The following MEIS2 variants were observed in gnomAD, a reference collection of about 807,000 sequenced individuals.
MEIS2 encodes Meis homeobox 2, also known as homeobox protein Meis2.
MEIS2 carries 9 observed loss-of-function variants against 58.6 expected under a neutral mutation model. That is an observed-to-expected ratio of 0.15 (90% CI 0.09 to 0.27). The LOEUF (loss-of-function observed/expected upper bound fraction) is 0.27, where lower values mean the gene tolerates loss of function less well. Ranked by LOEUF, MEIS2 falls within the 10% of genes least tolerant of loss-of-function variation. The probability of loss-of-function intolerance (pLI) is 1.00; values close to 1 mark genes in which losing one functional copy is unlikely to be tolerated. For synonymous variants in MEIS2, 221 were observed against 228.4 expected (o/e 0.97, Z 0.29); for missense variants, 427 against 635.0 (o/e 0.67, Z 3.52).
chr15:36,950,501 G>A, intron 8 of MEIS2, 101 bp from the exon 9 acceptor site: 1 of 1,133,604 alleles, frequency 8.8e-7, no homozygotes. Flanking sequence ...TTAGTCTATG[G>A]CTTGATTTTC....
At chr15:36,965,729 G>A (rs2141445660) in intron 8 of MEIS2, among the ~76,000 whole-genome samples, 1 of 152,290 alleles carries the variant, frequency 6.6e-6, no homozygotes, top group African/African-American at 2.4e-5. Context: ...GGCTATAGTT[G>A]CACAAGAGAG....
intron 9 of MEIS2, among the ~76,000 whole-genome samples, chr15:36,916,185 C>T (rs1156349067): frequency 1.3e-5 from 2 of 151,474 alleles, no homozygotes; most frequent in African/African-American, 2.4e-5. Flanking sequence ...CCTCGCACTT[C>T]GGAAGGCAAA....
chr15:36,970,307 G>A (rs1398532482), intron 8 of MEIS2, among the ~76,000 whole-genome samples: 1 of 151,944 alleles, frequency 6.6e-6, no homozygotes, highest in Non-Finnish European at 1.5e-5. Context: ...GGGAGGCTGA[G>A]GCAGGAGAAT....
chr15:37,055,341 A>T (rs1457236991), intron 7 of MEIS2, among the ~76,000 whole-genome samples: 1 of 152,202 alleles, frequency 6.6e-6, no homozygotes, highest in African/African-American at 2.4e-5. Context: ...CACATAGAAC[A>T]GTGCCTGGCA....
chr15:37,015,373 A>T (rs142423846), intron 8 of MEIS2, among the ~76,000 whole-genome samples: 2 of 152,170 alleles, frequency 1.3e-5, no homozygotes, highest in Non-Finnish European at 2.9e-5. Context: ...AATAATGAAC[A>T]TTAAGGGGAG....
intron 8 of MEIS2, among the ~76,000 whole-genome samples, chr15:36,966,758 A>T (rs1181580804): frequency 1.3e-5 from 2 of 152,216 alleles, no homozygotes; most frequent in African/African-American, 4.8e-5. Context: ...AACAAACTTC[A>T]TGAAGACAAA....
At chr15:36,962,198 G>A (rs2059207612) in intron 8 of MEIS2, among the ~76,000 whole-genome samples, 1 of 152,212 alleles carries the variant, frequency 6.6e-6, no homozygotes, top group African/African-American at 2.4e-5. Flanking sequence ...CATTTCTGAT[G>A]CCTGGTATGT....
chr15:36,919,577 CAAAA>C, intron 9 of MEIS2, among the ~76,000 whole-genome samples: 1 of 133,978 alleles, frequency 7.5e-6, no homozygotes. Flanking sequence ...AACTCCGTCT[CAAAA>C]AAAAAAAAAA....
chr15:37,047,029 T>G lies in MEIS2; in HGVS notation c.755-10070A>C, dbSNP rs1248978190. On this transcript the variant is annotated intron_variant, in intron 7 of 11. Coordinates refer to ENST00000561208, the MANE Select transcript of MEIS2 (RefSeq NM_170675.5). ...ATAATTCAGCAGATTGCTTAATCTC[T>G]GTGGTGCAGGATAAAAGAATGTACT... is the stretch of plus-strand genomic sequence containing the variant. Among the ~76,000 whole-genome samples, 21 of 152,302 alleles carry G rather than the reference T, an allele frequency of 1.4e-4. 2 individuals carry two copies. In the South Asian group the frequency reaches 4.4e-3, roughly 32 times the overall value.
At chr15:37,087,978 C>T (rs764073420) in intron 6 of MEIS2, among the ~76,000 whole-genome samples, 27 of 152,114 alleles carry the variant, frequency 1.8e-4, no homozygotes, top group Non-Finnish European at 3.4e-4. Context: ...CATACAAGTT[C>T]TATCTAAAAT....
At chr15:37,051,971 C>T (rs1243703565) in intron 7 of MEIS2, among the ~76,000 whole-genome samples, 1 of 103,210 alleles carries the variant, frequency 9.7e-6, no homozygotes, top group East Asian at 2.5e-4. Context: ...AAGAACTATC[C>T]AAGTTGCAAA....
At chr15:37,080,565 A>G (rs943804012) in intron 7 of MEIS2, among the ~76,000 whole-genome samples, 2 of 152,122 alleles carry the variant, frequency 1.3e-5, no homozygotes, top group Non-Finnish European at 2.9e-5. Flanking sequence ...GCAGCTTTTG[A>G]CTCAGCAGGT....
At chr15:36,932,446 T>A (rs895224722) in intron 9 of MEIS2, among the ~76,000 whole-genome samples, 3 of 152,260 alleles carry the variant, frequency 2.0e-5, no homozygotes, top group African/African-American at 7.2e-5. Context: ...GTTGCCATTT[T>A]AAAAATTCAA....
intron 8 of MEIS2, among the ~76,000 whole-genome samples, chr15:37,024,438 A>C (rs2061632547): frequency 6.6e-6 from 1 of 152,178 alleles, no homozygotes; most frequent in Non-Finnish European, 1.5e-5. Flanking sequence ...GATTAGCTCC[A>C]ACTCTCAAAC....
intron 9 of MEIS2, chr15:36,904,177 C>T (rs1020550789): frequency 2.6e-5 from 4 of 152,082 alleles, no homozygotes; most frequent in African/African-American, 9.7e-5. Flanking sequence ...TAAGGCAGAA[C>T]CACAAAATCC....
chr15:36,889,250 A>C lies in MEIS2; in HGVS notation c.*2923T>G, dbSNP rs2055776469. 6.6e-6 allele frequency: 1 copy of C among 152,202 alleles called. No homozygotes were observed. Among genetic ancestry groups the C allele is most frequent in the Admixed American group, 6.5e-5 (1 of 15,288 alleles). 9.4% of individuals were successfully genotyped at this position (152,202 alleles called of 1,614,324 possible). A position where few individuals can be genotyped will look rare whatever the true frequency, so the allele number is the denominator to read the frequency against. On this transcript the variant is annotated 3_prime_UTR_variant, in exon 12 of 12. Coordinates refer to ENST00000561208, the MANE Select transcript of MEIS2 (RefSeq NM_170675.5). Reference sequence around the variant, plus strand: ...TTATTCAGACTACAGTATTTCCTTTAACACTATATGGTTGTCAAAACACCA... The same window carrying C: ...TTATTCAGACTACAGTATTTCCTTTCACACTATATGGTTGTCAAAACACCA...
chr15:36,965,430 AT>A (rs2059322570), intron 8 of MEIS2, among the ~76,000 whole-genome samples: 2 of 152,216 alleles, frequency 1.3e-5, no homozygotes, highest in African/African-American at 4.8e-5. Context: ...TTTGTGTAAG[AT>A]TTAGTAATTT....
At chr15:37,076,512 G>C (rs989982032) in intron 7 of MEIS2, among the ~76,000 whole-genome samples, 6 of 152,042 alleles carry the variant, frequency 3.9e-5, no homozygotes, top group African/African-American at 1.4e-4. Flanking sequence ...CTGGCACACA[G>C]CACTGACTCT....
chr15:36,971,253 C>T (rs2059546931), intron 8 of MEIS2, among the ~76,000 whole-genome samples: 1 of 151,862 alleles, frequency 6.6e-6, no homozygotes, highest in Admixed American at 6.6e-5. Flanking sequence ...ATTCTAATAC[C>T]TCGAAGGCTG....
Sources: allele counts gnomAD v4.1 joint callset (sites outside exome capture counted in the v4.1 genomes callset), GRCh38; gene constraint gnomAD v4.1.1; transcripts MANE v1.5; gene names NCBI Gene and HGNC (gene_info 2026-07-23, HGNC 2026-07-21).